The following PTPRR variants were observed in gnomAD, a reference collection of about 807,000 sequenced individuals.
The protein encoded by PTPRR is receptor-type tyrosine-protein phosphatase R.
In PTPRR, 38 loss-of-function variants were observed where a neutral mutation model predicts 77.2. That is an observed-to-expected ratio of 0.49 (90% confidence interval 0.38 to 0.65). The LOEUF (loss-of-function observed/expected upper bound fraction) is 0.65. Ranked by LOEUF, PTPRR falls within the 30% of genes least tolerant of loss-of-function variation. The pLI is 0.00. For synonymous variants in PTPRR, 299 were observed against 283.1 expected (o/e 1.06, Z -0.57); for missense variants, 744 against 799.2 (o/e 0.93, Z 0.83).
chr12:70,886,380 A>G (rs928701659), intron 2 of PTPRR, among the ~76,000 whole-genome samples: 1 of 152,264 alleles, frequency 6.6e-6, no homozygotes, highest in Non-Finnish European at 1.5e-5. Context: ...TTAAGTTAAG[A>G]GCAGAACAAA....
intron 6 of PTPRR, among the ~76,000 whole-genome samples, chr12:70,727,450 G>A (rs1889482246): frequency 6.6e-6 from 1 of 152,064 alleles, no homozygotes. Context: ...AAGCATAAAT[G>A]TACATAACTT....
chr12:70,715,412 T>C (rs377065553), intron 6 of PTPRR, among the ~76,000 whole-genome samples: 7 of 152,174 alleles, frequency 4.6e-5, no homozygotes, highest in Non-Finnish European at 1.0e-4. Context: ...TCCGGCACCA[T>C]TGTCATTGAT....
chr12:70,674,536 A>T (rs1887371203), intron 10 of PTPRR, among the ~76,000 whole-genome samples: 1 of 152,160 alleles, frequency 6.6e-6, no homozygotes. Context: ...TTTAAGCATC[A>T]AAGTGTATTT....
At chr12:70,650,240 C>T (rs12297202) in intron 13 of PTPRR, among the ~76,000 whole-genome samples, 28,713 of 151,760 alleles carry the variant, frequency 0.19, 3,911 homozygotes, top group African/African-American at 0.39. Context: ...GTCAGGAGTT[C>T]GAGACCAGCC....
At chr12:70,643,164 T>C (rs1886069857) in intron 13 of PTPRR, among the ~76,000 whole-genome samples, 1 of 152,096 alleles carries the variant, frequency 6.6e-6, no homozygotes, top group Non-Finnish European at 1.5e-5. Flanking sequence ...TATGGGGTCT[T>C]GCTTTGTTGC....
chr12:70,758,695 C>G, intron 4 of PTPRR, among the ~76,000 whole-genome samples: 1 of 152,028 alleles, frequency 6.6e-6, no homozygotes, highest in Admixed American at 6.5e-5. Flanking sequence ...GGTGGTTCAC[C>G]TCCTCCTGAC....
intron 2 of PTPRR, among the ~76,000 whole-genome samples, chr12:70,814,981 C>T (rs1891875019): frequency 6.6e-6 from 1 of 151,398 alleles, no homozygotes; most frequent in African/African-American, 2.4e-5. Flanking sequence ...ACCAATAATG[C>T]AGAGAAAATA....
intron 2 of PTPRR, among the ~76,000 whole-genome samples, chr12:70,847,698 TC>T (rs938668337): frequency 6.6e-6 from 1 of 152,170 alleles, no homozygotes; most frequent in Non-Finnish European, 1.5e-5. Flanking sequence ...TTGGATTTAA[TC>T]CTCCTACAAC....
intron 4 of PTPRR, among the ~76,000 whole-genome samples, chr12:70,760,582 C>G (rs1890668650): frequency 6.6e-6 from 1 of 152,100 alleles, no homozygotes; most frequent in African/African-American, 2.4e-5. Context: ...TTGCTTGAGG[C>G]CAGGCATTCA....
intron 2 of PTPRR, among the ~76,000 whole-genome samples, chr12:70,800,293 A>C (rs1891592746): frequency 7.1e-6 from 1 of 141,754 alleles, no homozygotes. Context: ...TGCTGAGGTT[A>C]TAGAGCTTGA....
rs115491453 is a variant in PTPRR at position 70,822,782 on chromosome 12, C to T, written c.358-58004G>A. Reference sequence around the variant, plus strand: ...GCTCTTTTAGCCTGTAGAAAGTTGCCGCTATGGAAAAGACATGGACTTCAT... The same window carrying T: ...GCTCTTTTAGCCTGTAGAAAGTTGCTGCTATGGAAAAGACATGGACTTCAT... On this transcript the variant is annotated intron_variant, in intron 2 of 13. Transcript: ENST00000283228. 8.9e-4 allele frequency among the ~76,000 whole-genome samples: 136 copies of T among 152,172 alleles called. 1 individual carries two copies. Among genetic ancestry groups the T allele is most frequent in the African/African-American group, 2.9e-3 (119 of 41,506 alleles).
At chr12:70,815,366 TG>T (rs71437158) in intron 2 of PTPRR, among the ~76,000 whole-genome samples, 2 of 152,028 alleles carry the variant, frequency 1.3e-5, no homozygotes, top group African/African-American at 4.8e-5. Flanking sequence ...AATAAATTGG[TG>T]GGGGGGAGTT....
At chr12:70,639,321 T>G in intron 13 of PTPRR, 44 bp from the exon 14 acceptor site, 1 of 1,594,332 alleles carries the variant, frequency 6.3e-7, no homozygotes, top group Non-Finnish European at 8.6e-7. Flanking sequence ...GCTAAAATCT[T>G]GCAATTTCAA....
chr12:70,920,709 C>G lies in PTPRR; in HGVS notation c.-319G>C. 3.1e-6 allele frequency: 1 copy of G among 325,634 alleles called. No individual in the cohort carries two copies. Among genetic ancestry groups the G allele is most frequent in the South Asian group, 3.2e-5 (1 of 30,930 alleles). 20.2% of individuals were successfully genotyped at this position (325,634 alleles called of 1,614,324 possible). On this transcript the variant is annotated 5_prime_UTR_variant, in exon 1 of 14. Coordinates refer to ENST00000283228, the MANE Select transcript of PTPRR (RefSeq NM_002849.4). ...GGTGGACTCCGCGCCAGCCCAGCAG[C>G]CCAGCAGCAGCGCCGCGGCTACTGA...
At chr12:70,765,863 T>C (rs11178402) in intron 2 of PTPRR, among the ~76,000 whole-genome samples, 55,727 of 151,676 alleles carry the variant, frequency 0.37, 12,235 homozygotes, top group African/African-American at 0.62. Flanking sequence ...CACAAACATC[T>C]GGTGTTCTGC....
chr12:70,824,996 T>C (rs1892084443), intron 2 of PTPRR, among the ~76,000 whole-genome samples: 1 of 152,122 alleles, frequency 6.6e-6, no homozygotes, highest in African/African-American at 2.4e-5. Flanking sequence ...GTAGAAATCT[T>C]AAGTTAGGCT....
At chr12:70,860,475 T>C (rs943253307) in intron 2 of PTPRR, among the ~76,000 whole-genome samples, 1 of 152,164 alleles carries the variant, frequency 6.6e-6, no homozygotes, top group African/African-American at 2.4e-5. Flanking sequence ...CTTTAATGTA[T>C]GGATACTTAG....
chr12:70,782,159 A>G (rs1001927054), intron 2 of PTPRR, among the ~76,000 whole-genome samples: 2 of 152,160 alleles, frequency 1.3e-5, no homozygotes, highest in African/African-American at 4.8e-5. Context: ...TCACACATTT[A>G]AAAGTGCTTG....
At chr12:70,863,326 T>G (rs1892785200) in intron 2 of PTPRR, among the ~76,000 whole-genome samples, 2 of 152,138 alleles carry the variant, frequency 1.3e-5, no homozygotes, top group South Asian at 4.1e-4. Flanking sequence ...TTTACTTTTT[T>G]CAACAATCTA....
Sources: gnomAD v4.1 joint callset for allele counts (sites outside exome capture counted in the v4.1 genomes callset) on GRCh38, gnomAD v4.1.1 for gene constraint, MANE v1.5 for transcripts, NCBI Gene and HGNC (gene_info 2026-07-23, HGNC 2026-07-21) for gene names.